The following FBP1 variants were observed in gnomAD, a reference collection of about 807,000 sequenced individuals.
FBP1 encodes fructose-bisphosphatase 1, also known as fructose-1,6-bisphosphatase 1.
In FBP1, 22 loss-of-function variants were observed where a neutral mutation model predicts 29.9. The ratio of observed to expected loss-of-function variants is 0.74; its 90% confidence interval spans 0.53 to 1.05. FBP1 has a LOEUF of 1.05. Ranked by LOEUF, FBP1 falls within the 50% of genes least tolerant of loss-of-function variation. FBP1 has a pLI of 0.00. For synonymous variants in FBP1, 175 were observed against 178.6 expected (o/e 0.98, Z 0.16); for missense variants, 345 against 448.2 (o/e 0.77, Z 2.08).
In FBP1 at chr9:94,639,264, C is replaced by G. The variant is rs200720843; in HGVS notation, c.47G>C (p.Arg16Pro). 6 of 1,605,704 alleles carry G rather than the reference C, an allele frequency of 3.7e-6. No homozygotes were observed. In the South Asian group the frequency reaches 6.7e-5, roughly 18 times the overall value. ...PFDTDVNTLT[R>P]FVMEEGRKAR... Reference sequence around the variant, plus strand: ...CTTCCTGCCCTCCTCCATGACGAAGCGGGTCAGGGTGTTGACGTCCGTGTC... The same window carrying G: ...CTTCCTGCCCTCCTCCATGACGAAGGGGGTCAGGGTGTTGACGTCCGTGTC... The change falls in exon 1 of 7, where the codon CGC becomes CCC. Residue 16 changes from arginine (R) to proline (P), a missense_variant. Physicochemically the swap from Arg to Pro is moderately radical, Grantham distance 103 (BLOSUM62 -2). Coordinates refer to ENST00000375326, the MANE Select transcript of FBP1 (RefSeq NM_000507.4).
rs374715941 is a variant in FBP1 at position 94,603,377 on chromosome 9, G to A, written c.*4C>T. Reference sequence around the variant, plus strand: ...AATTCTCCGGATGCAGGCAGGGCAGGTGCTCACTGGGCAGAGTGCTTCTCA... The same window carrying A: ...AATTCTCCGGATGCAGGCAGGGCAGATGCTCACTGGGCAGAGTGCTTCTCA... On this transcript the variant is annotated 3_prime_UTR_variant, in exon 7 of 7. Coordinates refer to ENST00000375326, the MANE Select transcript of FBP1 (RefSeq NM_000507.4). 5.0e-6 allele frequency: 8 copies of A among 1,612,580 alleles called. No homozygotes were observed. The highest frequency in any genetic ancestry group is 1.7e-5 in the Admixed American group (1 of 59,852).
chr9:94,633,584 CT>C (rs1828142767), intron 1 of FBP1, among the ~76,000 whole-genome samples: 1 of 152,244 alleles, frequency 6.6e-6, no homozygotes, highest in Non-Finnish European at 1.5e-5. Flanking sequence ...ACTCCTCCCC[CT>C]GTGACCTCCA....
chr9:94,629,532 A>G (rs571026767), intron 1 of FBP1, among the ~76,000 whole-genome samples: 1 of 152,260 alleles, frequency 6.6e-6, no homozygotes, highest in South Asian at 2.1e-4. Flanking sequence ...GAAGGATCAG[A>G]GCCTGAAGCT....
Position 94,624,254 on chromosome 9 carries a change from C to T in FBP1, c.171-3763G>A, listed in dbSNP as rs962719970. Reference sequence around the variant, plus strand: ...TCAGGAGGCTGAGGCAGAAGAATGGCGTGAACCCGGGAGGCGGAGCTTGCA... The same window carrying T: ...TCAGGAGGCTGAGGCAGAAGAATGGTGTGAACCCGGGAGGCGGAGCTTGCA... On this transcript the variant is annotated intron_variant, in intron 1 of 6. Transcript: ENST00000375326. 4.0e-5 allele frequency among the ~76,000 whole-genome samples: 6 copies of T among 149,804 alleles called. No individual in the cohort carries two copies. The South Asian group carries it at 8.4e-4, about 21-fold the overall frequency.
chr9:94,639,612 C>G, upstream of FBP1: 1 of 508,014 alleles, frequency 2.0e-6, no homozygotes, highest in Non-Finnish European at 3.6e-6. Flanking sequence ...CCCCGCGGAC[C>G]AGACCGCGGC....
rs139108156 is a variant in FBP1, at chr9:94,621,627, C to A, written c.171-1136G>T. 2.4e-3 allele frequency among the ~76,000 whole-genome samples: 371 copies of A among 152,194 alleles called. 2 individuals are homozygous for A. Among genetic ancestry groups the A allele is most frequent in the African/African-American group, 6.7e-3 (277 of 41,526 alleles). ...ACATTTTTTCCTCAACCATACTCCC[C>A]CATGAAATATTTTTAATACTACAGA... On this transcript the variant is annotated intron_variant, in intron 1 of 6. Transcript: ENST00000375326.
intron 1 of FBP1, among the ~76,000 whole-genome samples, chr9:94,629,928 G>A (rs1393812459): frequency 6.6e-6 from 1 of 152,172 alleles, no homozygotes; most frequent in Admixed American, 6.5e-5. Flanking sequence ...GGGCCATCCT[G>A]AGGATGGCAC....
At chr9:94,625,720 G>A (rs973810600) in intron 1 of FBP1, among the ~76,000 whole-genome samples, 4 of 152,334 alleles carry the variant, frequency 2.6e-5, no homozygotes, top group East Asian at 1.9e-4. Context: ...GCGTGAACCC[G>A]GGAAGTGGAG....
intron 5 of FBP1, among the ~76,000 whole-genome samples, chr9:94,606,027 G>A (rs572037783): frequency 2.0e-5 from 3 of 152,044 alleles, no homozygotes; most frequent in Admixed American, 6.6e-5. Context: ...TGTGGGACTC[G>A]GGTGTGCGTG....
chr9:94,633,014 A>G (rs369665918), intron 1 of FBP1, among the ~76,000 whole-genome samples: 6 of 152,222 alleles, frequency 3.9e-5, no homozygotes, highest in African/African-American at 1.2e-4. Context: ...AGCATCTCCC[A>G]ACAGATCACC....
intron 2 of FBP1, among the ~76,000 whole-genome samples, chr9:94,618,079 G>A (rs960737273): frequency 2.0e-5 from 3 of 152,120 alleles, no homozygotes; most frequent in Non-Finnish European, 2.9e-5. Context: ...CACTTAAGAG[G>A]TGCAGATGAA....
At chr9:94,631,331 A>C (rs538018684) in intron 1 of FBP1, among the ~76,000 whole-genome samples, 1 of 152,350 alleles carries the variant, frequency 6.6e-6, no homozygotes, top group Non-Finnish European at 1.5e-5. Context: ...AAGAGCTCTA[A>C]GTCATTTTAA....
chr9:94,620,209 A>G, intron 2 of FBP1, 120 bp downstream of exon 2: 2 of 980,358 alleles, frequency 2.0e-6, no homozygotes, highest in Admixed American at 3.7e-5. Flanking sequence ...TGAAAAGACC[A>G]CAGCAGGGAT....
rs976930410 is a variant in FBP1, at chr9:94,636,834, G to T, written c.170+2307C>A. Among the ~76,000 whole-genome samples, 2 of 151,776 alleles carry T rather than the reference G, an allele frequency of 1.3e-5. 1 individual carries two copies. The highest frequency in any genetic ancestry group is 2.9e-5 in the Non-Finnish European group (2 of 67,932). On this transcript the variant is annotated intron_variant, in intron 1 of 6. Coordinates refer to ENST00000375326, the MANE Select transcript of FBP1 (RefSeq NM_000507.4). ...CTCCCAAGTAGCTGGGATTACAGGC[G>T]CCTGCCACCATGCCTGGCTAATTTT...
chr9:94,609,771 C>T (rs1256302592), intron 4 of FBP1, 150 bp downstream of exon 4: 12 of 886,452 alleles, frequency 1.4e-5, no homozygotes, highest in East Asian at 1.3e-4. Flanking sequence ...CTCTCTTGGT[C>T]TCCTGCCCCC....
intron 2 of FBP1, among the ~76,000 whole-genome samples, chr9:94,618,884 G>GA (rs1308265969): frequency 2.0e-5 from 3 of 152,124 alleles, no homozygotes; most frequent in Admixed American, 2.0e-4. Flanking sequence ...GAGGCAAGTG[G>GA]ACATATCAGA....
At chr9:94,612,502 C>A (rs935574801) in intron 3 of FBP1, among the ~76,000 whole-genome samples, 2 of 151,804 alleles carry the variant, frequency 1.3e-5, no homozygotes, top group African/African-American at 2.4e-5. Flanking sequence ...GAAAATTATC[C>A]CACTGAGCCA....
intron 1 of FBP1, among the ~76,000 whole-genome samples, chr9:94,634,063 G>A (rs1205496047): frequency 6.6e-6 from 1 of 150,822 alleles, no homozygotes; most frequent in Non-Finnish European, 1.5e-5. Flanking sequence ...GGAGGCCGGG[G>A]CGGGCAGATC....
chr9:94,606,335 C>T lies in FBP1; in HGVS notation c.705+480G>A, dbSNP rs28369753. Among the ~76,000 whole-genome samples, 1,447 of 152,272 alleles carry T rather than the reference C, an allele frequency of 9.5e-3. 22 individuals carry two copies. The highest frequency in any genetic ancestry group is 0.032 in the African/African-American group (1,310 of 41,562). ...GGTCTCGAGATAACTGATAGATGCA[C>T]CTCAGGCAGGCCTAGCAAGGGGCAG... On this transcript the variant is annotated intron_variant, in intron 5 of 6. Transcript: ENST00000375326.
Sources: gnomAD v4.1 joint callset for allele counts (sites outside exome capture counted in the v4.1 genomes callset) on GRCh38, gnomAD v4.1.1 for gene constraint, MANE v1.5 for transcripts, NCBI Gene and HGNC (gene_info 2026-07-23, HGNC 2026-07-21) for gene names.